The following NFIX variants were observed in gnomAD, a reference collection of about 807,000 sequenced individuals.
NFIX encodes the protein nuclear factor I X, also known as nuclear factor 1 X-type.
Under a neutral mutation model 53.3 loss-of-function variants are expected in NFIX, and 2 were observed. The ratio of observed to expected loss-of-function variants is 0.04; its 90% CI spans 0.02 to 0.12. The LOEUF (loss-of-function observed/expected upper bound fraction) is 0.12. NFIX is among the 10% of genes least tolerant of loss of function. NFIX has a pLI of 1.00. For missense variants in NFIX, 310 were observed against 674.5 expected, an observed-to-expected ratio of 0.46 and a Z score of 5.99; for synonymous variants, 244 against 289.0, an observed-to-expected ratio of 0.84 and a Z score of 1.58.
In NFIX at chr19:13,098,502, C is replaced by CCT. The variant is rs1480401897; in HGVS notation, c.*3856_*3857dup. ...GTGCTTCCCCCTTAGCGTCCCCCTC[C>CCT]CTCTGCTCCTCCTCCTTCAGCCTGG... On this transcript the variant is annotated 3_prime_UTR_variant, in exon 11 of 11. Coordinates refer to ENST00000592199, the MANE Select transcript of NFIX (RefSeq NM_001365902.3). 1 of 152,546 alleles carries CCT rather than the reference C, an allele frequency of 6.6e-6. No homozygotes were observed. The highest frequency in any genetic ancestry group is 2.4e-5 in the African/African-American group (1 of 41,096). The allele number at this position is 152,546 out of a possible 1,614,324, so 9.4% of individuals were successfully genotyped here. A position where few individuals can be genotyped will look rare whatever the true frequency, so the allele number is the denominator to read the frequency against.
At position 13,082,285 on chromosome 19, in the gene NFIX, T is replaced by C. The variant is rs114635763; in HGVS notation, c.1254+430T>C. 6.6e-3 allele frequency: 1,159 copies of C among 176,790 alleles called. 12 individuals are homozygous for C. Among genetic ancestry groups the C allele is most frequent in the African/African-American group, 0.026 (1,112 of 42,372 alleles). The allele number at this position is 176,790 out of a possible 1,614,324, so 11.0% of individuals were successfully genotyped here. On this transcript the variant is annotated intron_variant, in intron 8 of 10. Coordinates refer to ENST00000592199, the MANE Select transcript of NFIX (RefSeq NM_001365902.3). ...TTGACATTTGGGGCTGTTTATTCAC[T>C]ATTGTGTGAGACCATCCAGTGCTCT... is the stretch of plus-strand genomic sequence containing the variant.
At chr19:13,029,328 A>AT (rs538996041) in intron 2 of NFIX, among the ~76,000 whole-genome samples, 5,396 of 151,452 alleles carry the variant, frequency 0.036, 113 homozygotes, top group Middle Eastern at 0.082. Flanking sequence ...AAAATTCAGC[A>AT]TTTTTTTTTA....
chr19:13,055,807 G>A (rs569770358), intron 2 of NFIX, among the ~76,000 whole-genome samples: 1 of 152,316 alleles, frequency 6.6e-6, no homozygotes, highest in East Asian at 1.9e-4. Flanking sequence ...TCTCTGTAGG[G>A]CAGGCCAGGA....
Position 13,051,583 on chromosome 19 carries a change from C to G in NFIX, c.560-21464C>G, listed in dbSNP as rs2145318151. On this transcript the variant is annotated intron_variant, in intron 2 of 10. Coordinates refer to ENST00000592199, the MANE Select transcript of NFIX (RefSeq NM_001365902.3). This position sits in a 1 kb window ranked among gnomAD's most constrained non-coding sequence, Gnocchi z 5.1. Reference sequence around the variant, plus strand: ...CCAGATTTTTTTCCAAGCCTCAAGTCAGGCAGGTTCGGGGAGGAGACAGCC... The same window carrying G: ...CCAGATTTTTTTCCAAGCCTCAAGTGAGGCAGGTTCGGGGAGGAGACAGCC... 6.6e-6 allele frequency among the ~76,000 whole-genome samples: 1 copy of G among 152,320 alleles called. No homozygotes were observed. Among genetic ancestry groups the G allele is most frequent in the South Asian group, 2.1e-4 (1 of 4,832 alleles).
At chr19:13,064,741 G>A (rs1283669406) in intron 2 of NFIX, among the ~76,000 whole-genome samples, 1 of 152,224 alleles carries the variant, frequency 6.6e-6, no homozygotes, top group African/African-American at 2.4e-5. Flanking sequence ...GGGGAGCTGA[G>A]GGTCAGCCAC....
rs1167208692 is a variant in NFIX at position 13,051,719 on chromosome 19, A to T, written c.560-21328A>T. 6.6e-6 allele frequency among the ~76,000 whole-genome samples: 1 copy of T among 152,012 alleles called. No homozygotes were observed. The highest frequency in any genetic ancestry group is 6.6e-5 in the Admixed American group (1 of 15,266). The stretch of plus-strand genomic sequence containing the variant: ...GCCTCTTCCCCACGTGGCTCATTAC[A>T]ACTCCAGTTGTTCAGGTCTTGACCT... On this transcript the variant is annotated intron_variant, in intron 2 of 10. Coordinates refer to ENST00000592199, the MANE Select transcript of NFIX (RefSeq NM_001365902.3). The surrounding 1 kb of genome is among the most constrained non-coding windows in gnomAD (Gnocchi z 5.1).
At position 13,090,429 on chromosome 19, in the gene NFIX, G is replaced by A. The variant is rs531882770; in HGVS notation, c.1494+39G>A. The A allele has an allele frequency of 6.3e-7, 1 of 1,584,410 alleles. No homozygotes were observed. Among genetic ancestry groups the A allele is most frequent in the African/African-American group, 1.3e-5 (1 of 74,388 alleles). On this transcript the variant is annotated intron_variant, in intron 10 of 10. Transcript: ENST00000592199. This position sits in a 1 kb window ranked among gnomAD's most constrained non-coding sequence, Gnocchi z 6.6. ...CCCACCACCTGGATGCAGGGACCAG[G>A]GGAGTAGTCAGGGTTGGGGGGCATC...
At chr19:13,031,965 C>T (rs1006733453) in intron 2 of NFIX, among the ~76,000 whole-genome samples, 2 of 151,624 alleles carry the variant, frequency 1.3e-5, no homozygotes, top group Admixed American at 6.6e-5. Context: ...CCCTGTCCGT[C>T]CCATCCCTCC....
rs1267105410 is a variant in NFIX at position 13,002,487 on chromosome 19, C to T, written c.27+6623C>T. On this transcript the variant is annotated intron_variant, in intron 1 of 10. Coordinates refer to ENST00000592199, the MANE Select transcript of NFIX (RefSeq NM_001365902.3). The surrounding 1 kb of genome is among the most constrained non-coding windows in gnomAD (Gnocchi z 6.1). Reference sequence around the variant, plus strand: ...CTTGGCCAGGGGGGCACAGGCCTGGCGGGTGAGGGAACAGGGTGGACAGGG... The same window carrying T: ...CTTGGCCAGGGGGGCACAGGCCTGGTGGGTGAGGGAACAGGGTGGACAGGG... 1.3e-5 allele frequency among the ~76,000 whole-genome samples: 2 copies of T among 151,870 alleles called. No individual in the cohort carries two copies. Among genetic ancestry groups the T allele is most frequent in the East Asian group, 2.0e-4 (1 of 5,082 alleles).
rs898875534 is a variant in NFIX at position 13,088,359 on chromosome 19, C to T, written c.1402+223C>T. On this transcript the variant is annotated intron_variant, in intron 9 of 10. Transcript: ENST00000592199. The surrounding 1 kb of genome is among the most constrained non-coding windows in gnomAD (Gnocchi z 5.9). ...GAGCCCCCTGCCCGCTGCTCCCAGC[C>T]GGGGCCCCTGGCCCAGGCCCCTCTG... 2.6e-5 allele frequency among the ~76,000 whole-genome samples: 4 copies of T among 152,116 alleles called. No individual in the cohort carries two copies. The highest frequency in any genetic ancestry group is 4.8e-5 in the African/African-American group (2 of 41,430).
intron 8 of NFIX, among the ~76,000 whole-genome samples, chr19:13,084,927 G>A (rs763803309): frequency 9.2e-5 from 14 of 151,878 alleles, no homozygotes; most frequent in Admixed American, 2.6e-4. Flanking sequence ...AAAATTAGCC[G>A]GGCATGATGG....
chr19:13,063,292 T>C (rs2016202279), intron 2 of NFIX, among the ~76,000 whole-genome samples: 1 of 152,100 alleles, frequency 6.6e-6, no homozygotes, highest in Non-Finnish European at 1.5e-5. Flanking sequence ...TCCTTTTCCT[T>C]TTCTTCTTCC....
intron 2 of NFIX, among the ~76,000 whole-genome samples, chr19:13,065,402 C>T (rs1334173162): frequency 6.6e-6 from 1 of 152,208 alleles, no homozygotes; most frequent in East Asian, 1.9e-4. Context: ...TGAAACACCC[C>T]AGACAGTGCT....
rs141945766 is a variant in NFIX, at chr19:13,045,144, C to T, written c.559+19592C>T. Reference sequence around the variant, plus strand: ...TTACTTCTGGACAGGCCTTCACCTGCATAGAATGGAAGAGACCTGGTGGCA... The same window carrying T: ...TTACTTCTGGACAGGCCTTCACCTGTATAGAATGGAAGAGACCTGGTGGCA... On this transcript the variant is annotated intron_variant, in intron 2 of 10. Coordinates refer to ENST00000592199, the MANE Select transcript of NFIX (RefSeq NM_001365902.3). The surrounding 1 kb of genome is among the most constrained non-coding windows in gnomAD (Gnocchi z 4.4). 6.6e-6 allele frequency among the ~76,000 whole-genome samples: 1 copy of T among 152,296 alleles called. No individual in the cohort carries two copies. Among genetic ancestry groups the T allele is most frequent in the African/African-American group, 2.4e-5 (1 of 41,554 alleles).
Position 13,051,539 on chromosome 19 carries a change from C to T in NFIX, c.560-21508C>T, listed in dbSNP as rs944001375. ...CTCTAGTCAGCCAGTGACATCTCCCCCGTACCCAGGCCAGTGAGCCAGATT... is the reference window on the plus strand; with the variant it reads ...CTCTAGTCAGCCAGTGACATCTCCCTCGTACCCAGGCCAGTGAGCCAGATT... On this transcript the variant is annotated intron_variant, in intron 2 of 10. Transcript: ENST00000592199. The surrounding 1 kb of genome is among the most constrained non-coding windows in gnomAD (Gnocchi z 5.1). Among the ~76,000 whole-genome samples, 5 of 152,320 alleles carry T rather than the reference C, an allele frequency of 3.3e-5. No homozygotes were observed. The East Asian group carries it at 9.6e-4, about 29-fold the overall frequency.
rs1023243340 is a variant in NFIX, at chr19:13,090,423, G to T, written c.1494+33G>T. 6.3e-7 allele frequency: 1 copy of T among 1,589,234 alleles called. No homozygotes were observed. ...ACCCTGCCCACCACCTGGATGCAGG[G>T]ACCAGGGGAGTAGTCAGGGTTGGGG... On this transcript the variant is annotated intron_variant, in intron 10 of 10. Coordinates refer to ENST00000592199, the MANE Select transcript of NFIX (RefSeq NM_001365902.3). This position sits in a 1 kb window ranked among gnomAD's most constrained non-coding sequence, Gnocchi z 6.6.
At chr19:13,046,422 C>G (rs1343827300) in intron 2 of NFIX, among the ~76,000 whole-genome samples, 1 of 152,160 alleles carries the variant, frequency 6.6e-6, no homozygotes, top group Non-Finnish European at 1.5e-5. Context: ...GTTGTGAATT[C>G]TGCGTTTCAC....
At chr19:13,063,992 A>G (rs2016248120) in intron 2 of NFIX, among the ~76,000 whole-genome samples, 1 of 152,128 alleles carries the variant, frequency 6.6e-6, no homozygotes, top group African/African-American at 2.4e-5. Context: ...GGCAGCTCAA[A>G]GGGCCAGAAA....
intron 2 of NFIX, among the ~76,000 whole-genome samples, chr19:13,031,205 C>T (rs967018860): frequency 6.6e-6 from 1 of 152,192 alleles, no homozygotes; most frequent in African/African-American, 2.4e-5. Flanking sequence ...CTACAACATG[C>T]AGGGGGTTTC....
Sources: gnomAD v4.1 joint callset for allele counts (sites outside exome capture counted in the v4.1 genomes callset) on GRCh38, gnomAD v4.1.1 for gene constraint, Gnocchi (gnomAD v3.1) non-coding constraint, MANE v1.5 for transcripts, NCBI Gene and HGNC (gene_info 2026-07-23, HGNC 2026-07-21) for gene names.